The following DLGAP4 variants were observed in gnomAD, a reference collection of about 807,000 sequenced individuals.
DLGAP4 encodes disks large-associated protein 4.
In DLGAP4, 18 loss-of-function variants were observed where a neutral mutation model predicts 86.9. The observed-to-expected ratio is 0.21, with a 90% CI of 0.14 to 0.31. DLGAP4 has a LOEUF of 0.31. Among genes scored for constraint, DLGAP4 ranks in the 10% least tolerant of loss-of-function variants. The probability of loss-of-function intolerance (pLI) is 1.00; values close to 1 mark genes in which losing one functional copy is unlikely to be tolerated. For synonymous variants in DLGAP4, 548 were observed against 574.3 expected (o/e 0.95, Z 0.65); for missense variants, 1,085 against 1,362.6 (o/e 0.80, Z 3.21).
At chr20:36,443,254 T>C (rs1426713713) in intron 6 of DLGAP4, among the ~76,000 whole-genome samples, 8 of 152,138 alleles carry the variant, frequency 5.3e-5, no homozygotes, top group Admixed American at 5.2e-4. Context: ...ACTTTCCAAC[T>C]TCACACAGGT....
At chr20:36,521,635 A>G (rs577791423) in intron 10 of DLGAP4, among the ~76,000 whole-genome samples, 41 of 152,278 alleles carry the variant, frequency 2.7e-4, no homozygotes, top group African/African-American at 9.6e-4. Flanking sequence ...TCTGCTACTC[A>G]GGACAAGTCC....
At chr20:36,374,275 G>T (rs1219746128) in intron 2 of DLGAP4, among the ~76,000 whole-genome samples, 1 of 152,140 alleles carries the variant, frequency 6.6e-6, no homozygotes, top group African/African-American at 2.4e-5. Flanking sequence ...AATGTGAGAG[G>T]TGCTAAGGTG....
In DLGAP4 at chr20:36,528,162, TC is replaced by T. The variant is rs1480089778; in HGVS notation, c.*1137del. On this transcript the variant is annotated 3_prime_UTR_variant, in exon 13 of 13. Transcript: ENST00000339266. ...TTTTTTTTTTTGGTCTCCACCCCCC[TC>T]CCCCCGCCCCGCACTCCTAAGGGCC... 3.9e-5 allele frequency: 5 copies of T among 127,720 alleles called. 1 individual carries two copies. The highest frequency in any genetic ancestry group is 1.3e-4 in the African/African-American group (4 of 31,220). The allele number at this position is 127,720 out of a possible 1,614,324, so 7.9% of individuals were successfully genotyped here. A position where few individuals can be genotyped will look rare whatever the true frequency, so the allele number is the denominator to read the frequency against.
In DLGAP4 at chr20:36,436,339, C is replaced by G. The variant is rs1377640125; in HGVS notation, c.1230C>G (p.Ser410Arg). ...RATQQSLGEQ[S>R]NPRRSLDRLD... ...CGCAGCAGTCGCTGGGAGAGCAGAG[C>G]AACCCCCGCAGGTAGGCGCGCAGCT... Residue 410 changes from serine to arginine, a missense_variant, in exon 4 of 13, where the codon AGC becomes AGG. Transcript: ENST00000339266. 6.3e-7 allele frequency: 1 copy of G among 1,595,182 alleles called. No homozygotes were observed. The highest frequency in any genetic ancestry group is 1.7e-5 in the Admixed American group (1 of 59,446).
At chr20:36,311,843 CAGTT>C (rs2065056430) in intron 1 of DLGAP4, among the ~76,000 whole-genome samples, 1 of 152,184 alleles carries the variant, frequency 6.6e-6, no homozygotes, top group East Asian at 1.9e-4. Flanking sequence ...GGACGTAAGT[CAGTT>C]AGAGTTTAGA....
chr20:36,505,945 G>A (rs1475982107), intron 10 of DLGAP4, among the ~76,000 whole-genome samples: 1 of 152,210 alleles, frequency 6.6e-6, no homozygotes, highest in Non-Finnish European at 1.5e-5. Context: ...CAGATGGGAA[G>A]AAAATTGATA....
At position 36,394,725 on chromosome 20, in the gene DLGAP4, C is replaced by T. The variant is rs185404836; in HGVS notation, c.-73+27450C>T. Among the ~76,000 whole-genome samples the T allele has an allele frequency of 5.5e-3, 778 of 142,418 alleles. 4 individuals carry two copies. Among genetic ancestry groups the T allele is most frequent in the Non-Finnish European group, 7.6e-3 (497 of 65,524 alleles). 93.4% of individuals were successfully genotyped at this position (142,418 alleles called of 152,430 possible). A position where few individuals can be genotyped will look rare whatever the true frequency, so the allele number is the denominator to read the frequency against. The stretch of plus-strand genomic sequence containing the variant: ...TCCCAGCCTCTCCATGACCCAGATT[C>T]GACCTGCCTTGCCTCCCACGTTCAC... On this transcript the variant is annotated intron_variant, in intron 2 of 12. Coordinates refer to ENST00000339266, the MANE Select transcript of DLGAP4 (RefSeq NM_001365621.2).
chr20:36,346,654 A>G (rs1301531569), intron 1 of DLGAP4, among the ~76,000 whole-genome samples: 1 of 152,196 alleles, frequency 6.6e-6, no homozygotes, highest in Non-Finnish European at 1.5e-5. Flanking sequence ...GCTACATCTT[A>G]TACAAGCCCC....
chr20:36,348,234 A>T (rs1055293823), intron 1 of DLGAP4, among the ~76,000 whole-genome samples: 4 of 152,190 alleles, frequency 2.6e-5, no homozygotes, highest in African/African-American at 9.7e-5. Context: ...GAAGGAGGAG[A>T]TATGGGGGGA....
chr20:36,417,733 G>A (rs927492655), intron 2 of DLGAP4, among the ~76,000 whole-genome samples: 3 of 150,958 alleles, frequency 2.0e-5, no homozygotes, highest in African/African-American at 7.3e-5. Context: ...TAGGGGTACT[G>A]GGTGAAGCGA....
chr20:36,431,779 A>G lies in DLGAP4; in HGVS notation c.62A>G (p.Glu21Gly). 6.2e-7 allele frequency: 1 copy of G among 1,612,752 alleles called. No individual in the cohort carries two copies. The highest frequency in any genetic ancestry group is 8.5e-7 in the Non-Finnish European group (1 of 1,179,570). Residue 21 changes from glutamate to glycine, a missense_variant, in exon 3 of 13, where the codon GAG becomes GGG. Physicochemically the swap from Glu to Gly is moderately conservative, Grantham distance 98. This residue lies in a region of DLGAP4 where 1,082 missense variants were observed against 1,344.1 expected (regional missense o/e 0.81). Coordinates refer to ENST00000339266, the MANE Select transcript of DLGAP4 (RefSeq NM_001365621.2). This position sits in a 1 kb window ranked among gnomAD's most constrained non-coding sequence, Gnocchi z 5.1. ...TCCGACAGCCTAGACCCACCCCACG[A>G]GCCCCTGTTTGCAGGGACCGACCGC... ...HLSDSLDPPH[E>G]PLFAGTDRNP...
chr20:36,491,702 CA>C (rs2035670352), intron 7 of DLGAP4, among the ~76,000 whole-genome samples: 1 of 151,910 alleles, frequency 6.6e-6, no homozygotes, highest in Admixed American at 6.6e-5. Flanking sequence ...AGGGACCAAG[CA>C]AAAAGGGCTC....
intron 7 of DLGAP4, among the ~76,000 whole-genome samples, chr20:36,452,360 G>A (rs1388505656): frequency 6.6e-6 from 1 of 151,952 alleles, no homozygotes; most frequent in African/African-American, 2.4e-5. Context: ...TAAATTTCTT[G>A]TAGAGATGGG....
intron 7 of DLGAP4, among the ~76,000 whole-genome samples, chr20:36,487,801 C>T (rs898776780): frequency 4.6e-5 from 7 of 152,196 alleles, no homozygotes; most frequent in African/African-American, 1.7e-4. Context: ...GGCATGGGCC[C>T]ACCCCAAGAT....
At chr20:36,501,991 G>C (rs1216797229) in intron 10 of DLGAP4, among the ~76,000 whole-genome samples, 1 of 152,142 alleles carries the variant, frequency 6.6e-6, no homozygotes, top group African/African-American at 2.4e-5. Context: ...CCCACTTTCA[G>C]TTTTTACTAG....
rs1056690408 is a variant in DLGAP4, at chr20:36,317,223, T to C, written c.-304+10711T>C. Among the ~76,000 whole-genome samples the C allele has an allele frequency of 1.6e-3, 153 of 93,706 alleles. 2 individuals carry two copies. Among genetic ancestry groups the C allele is most frequent in the African/African-American group, 2.9e-3 (73 of 24,910 alleles). 61.5% of individuals were successfully genotyped at this position (93,706 alleles called of 152,430 possible). A position where few individuals can be genotyped will look rare whatever the true frequency, so the allele number is the denominator to read the frequency against. ...CCCTCCTTCCTTCCTTCCTCTCCTT[T>C]TTTCTTTCTTTCTTTCTTTCTTTCT... On this transcript the variant is annotated intron_variant, in intron 1 of 12. Coordinates refer to ENST00000339266, the MANE Select transcript of DLGAP4 (RefSeq NM_001365621.2).
intron 1 of DLGAP4, among the ~76,000 whole-genome samples, chr20:36,345,873 T>C (rs1269766664): frequency 6.6e-6 from 1 of 152,104 alleles, no homozygotes; most frequent in Non-Finnish European, 1.5e-5. Flanking sequence ...TCCTCCCACC[T>C]CAGCCTCCCA....
rs2065020505 is a variant in DLGAP4, at chr20:36,308,026, G to A, written c.-304+1514G>A. Among the ~76,000 whole-genome samples, 1 of 152,236 alleles carries A rather than the reference G, an allele frequency of 6.6e-6. No individual in the cohort carries two copies. Among genetic ancestry groups the A allele is most frequent in the Admixed American group, 6.5e-5 (1 of 15,292 alleles). On this transcript the variant is annotated intron_variant, in intron 1 of 12. Transcript: ENST00000339266. The surrounding 1 kb of genome is among the most constrained non-coding windows in gnomAD (Gnocchi z 4.5). ...CTGGCCGATGGGTGGCTGGAGTGTT[G>A]GAGCCACCACCAGGCCCTAGAGCCG...
intron 2 of DLGAP4, among the ~76,000 whole-genome samples, chr20:36,416,093 TTATC>T (rs750752576): frequency 2.6e-5 from 4 of 152,206 alleles, no homozygotes; most frequent in Admixed American, 6.5e-5. Context: ...GTATAATTCA[TTATC>T]TAAGCCATGA....
Sources: gnomAD v4.1 joint callset for allele counts (sites outside exome capture counted in the v4.1 genomes callset) on GRCh38, gnomAD v4.1.1 for gene constraint, gnomAD v4.1.1 regional missense constraint, Gnocchi (gnomAD v3.1) non-coding constraint, MANE v1.5 for transcripts, NCBI Gene and HGNC (gene_info 2026-07-23, HGNC 2026-07-21) for gene names.